The following NAALADL2 variants were observed in gnomAD, a reference collection of about 807,000 sequenced individuals.
NAALADL2 encodes the protein inactive N-acetylated-alpha-linked acidic dipeptidase-like protein 2.
Under a neutral mutation model 87.2 loss-of-function variants are expected in NAALADL2, and 76 were observed. That is an observed-to-expected ratio of 0.87 (90% CI 0.72 to 1.05). The LOEUF (loss-of-function observed/expected upper bound fraction) is 1.05, where lower values mean the gene tolerates loss of function less well. NAALADL2 is among the 50% of genes least tolerant of loss of function. NAALADL2 has a pLI of 0.00. For missense variants in NAALADL2, 1,089 were observed against 945.8 expected (o/e 1.15, Z -1.99); for synonymous variants, 354 against 331.0 (o/e 1.07, Z -0.75).
chr3:174,520,105 G>A (rs113289885), intron 1 of NAALADL2, among the ~76,000 whole-genome samples: 4 of 152,290 alleles, frequency 2.6e-5, no homozygotes, highest in African/African-American at 9.6e-5. Flanking sequence ...CTCATGAATT[G>A]GAAGAATCAA....
intron 2 of NAALADL2, among the ~76,000 whole-genome samples, chr3:175,159,835 T>C (rs1732867721): frequency 6.6e-6 from 1 of 151,404 alleles, no homozygotes; most frequent in African/African-American, 2.4e-5. Flanking sequence ...CTCTCTCTTT[T>C]CTTTTTCTTT....
At chr3:175,443,226 A>C (rs2149209621) in intron 5 of NAALADL2, among the ~76,000 whole-genome samples, 1 of 152,336 alleles carries the variant, frequency 6.6e-6, no homozygotes, top group Admixed American at 6.5e-5. Context: ...TAGATATTTC[A>C]AAACTAATGC....
chr3:174,901,125 G>C (rs1732252157), intron 1 of NAALADL2, among the ~76,000 whole-genome samples: 2 of 151,982 alleles, frequency 1.3e-5, no homozygotes, highest in African/African-American at 4.8e-5. Context: ...ACATGTCTAG[G>C]GGTTAAAAGT....
chr3:174,688,008 C>G (rs520059), intron 2 of NAALADL2, among the ~76,000 whole-genome samples: 1 of 152,024 alleles, frequency 6.6e-6, no homozygotes, highest in Non-Finnish European at 1.5e-5. Flanking sequence ...ATAAATTACC[C>G]AGTCTTAGGT....
At chr3:175,134,099 CTA>C (rs1162863378) in intron 2 of NAALADL2, among the ~76,000 whole-genome samples, 2 of 152,156 alleles carry the variant, frequency 1.3e-5, no homozygotes, top group Non-Finnish European at 2.9e-5. Flanking sequence ...TTTGCAGTGA[CTA>C]TGTCTTCCAT....
intron 13 of NAALADL2, among the ~76,000 whole-genome samples, chr3:175,781,638 TGTA>T (rs1222627351): frequency 2.7e-5 from 4 of 150,708 alleles, no homozygotes; most frequent in African/African-American, 7.4e-5. Flanking sequence ...TGTGTTTGTT[TGTA>T]TTTTCATTTT....
chr3:174,855,988 A>G (rs563870315), upstream of NAALADL2, among the ~76,000 whole-genome samples: 4,983 of 147,684 alleles, frequency 0.034, 328 homozygotes, highest in African/African-American at 0.12. Flanking sequence ...GTGTATATAT[A>G]TATATATATA....
At chr3:175,002,423 T>C (rs548330158) in intron 1 of NAALADL2, among the ~76,000 whole-genome samples, 166 of 152,048 alleles carry the variant, frequency 1.1e-3, no homozygotes, top group Non-Finnish European at 2.1e-3. Flanking sequence ...GAGAAGTTAA[T>C]GAAAAATAGA....
In NAALADL2 at chr3:175,398,882, C is replaced by G. The variant is rs548108035; in HGVS notation, c.1091-48347C>G. Among the ~76,000 whole-genome samples the G allele has an allele frequency of 9.9e-5, 15 of 151,602 alleles. No individual in the cohort carries two copies. The South Asian group carries it at 2.9e-3, about 29-fold the overall frequency. On this transcript the variant is annotated intron_variant, in intron 5 of 13. Transcript: ENST00000454872. ...CCCAAGAGAGGGTTCTTGGATCTTG[C>G]GCAAGAAAGAATTAAGGGTGAGTCA...
chr3:174,900,914 A>T (rs1412810620), intron 1 of NAALADL2, among the ~76,000 whole-genome samples: 1 of 152,100 alleles, frequency 6.6e-6, no homozygotes, highest in Admixed American at 6.6e-5. Flanking sequence ...TGACTCTTTA[A>T]CCTAAATTTA....
chr3:175,089,684 T>C (rs1256741179), intron 1 of NAALADL2, among the ~76,000 whole-genome samples: 1 of 152,058 alleles, frequency 6.6e-6, no homozygotes, highest in African/African-American at 2.4e-5. Context: ...AAAAAGACAT[T>C]AATAGATTTC....
At chr3:175,051,787 A>G (rs1755426309) in intron 1 of NAALADL2, among the ~76,000 whole-genome samples, 1 of 152,186 alleles carries the variant, frequency 6.6e-6, no homozygotes, top group African/African-American at 2.4e-5. Context: ...TTGAATTCTG[A>G]AGTACAGTGA....
intron 3 of NAALADL2, among the ~76,000 whole-genome samples, chr3:175,237,735 A>G (rs1277444075): frequency 6.6e-6 from 1 of 152,124 alleles, no homozygotes; most frequent in Admixed American, 6.5e-5. Flanking sequence ...TAACTTTCAA[A>G]CTAATGCACG....
chr3:175,588,648 C>A (rs918176263), intron 10 of NAALADL2, among the ~76,000 whole-genome samples: 3 of 149,746 alleles, frequency 2.0e-5, no homozygotes, highest in Non-Finnish European at 4.4e-5. Context: ...ACGCCATTCA[C>A]CTGCCTCAGC....
chr3:174,506,467 C>A (rs1020041713), intron 1 of NAALADL2, among the ~76,000 whole-genome samples: 1 of 152,136 alleles, frequency 6.6e-6, no homozygotes, highest in African/African-American at 2.4e-5. Flanking sequence ...AGGCGTGAAC[C>A]ACTACCTCCG....
intron 5 of NAALADL2, among the ~76,000 whole-genome samples, chr3:175,403,443 C>T (rs906664421): frequency 3.9e-5 from 6 of 151,966 alleles, no homozygotes; most frequent in Non-Finnish European, 7.4e-5. Context: ...GAATGGGTAC[C>T]AGGTGGATAT....
intron 2 of NAALADL2, chr3:175,112,602 A>G (rs528339093): frequency 6.6e-6 from 1 of 151,692 alleles, no homozygotes; most frequent in South Asian, 2.1e-4. Flanking sequence ...CTATAAAGAC[A>G]CATAAACATC....
At chr3:175,712,623 T>C (rs535111222) in intron 11 of NAALADL2, among the ~76,000 whole-genome samples, 68 of 152,210 alleles carry the variant, frequency 4.5e-4, no homozygotes, top group African/African-American at 1.6e-3. Context: ...CACAGTTTTA[T>C]ATATGTGTGC....
At chr3:175,535,088 G>A (rs1292767125) in intron 9 of NAALADL2, among the ~76,000 whole-genome samples, 1 of 151,994 alleles carries the variant, frequency 6.6e-6, no homozygotes, top group Non-Finnish European at 1.5e-5. Context: ...CACCTAGAAT[G>A]ACTGAGTAGG....
Sources: gnomAD v4.1 joint callset for allele counts (sites outside exome capture counted in the v4.1 genomes callset) on GRCh38, gnomAD v4.1.1 for gene constraint, MANE v1.5 for transcripts, NCBI Gene and HGNC (gene_info 2026-07-23, HGNC 2026-07-21) for gene names.